Variants in SYNPR observed in about 807,000 individuals in gnomAD.
SYNPR encodes synaptoporin.
SYNPR carries 23 observed loss-of-function variants against 32.9 expected under a neutral mutation model. That is an observed-to-expected ratio of 0.70 (90% CI 0.50 to 0.99). The LOEUF (loss-of-function observed/expected upper bound fraction) is 0.99, where lower values mean the gene tolerates loss of function less well. Ranked by LOEUF, SYNPR falls within the 50% of genes least tolerant of loss-of-function variation. The pLI is 0.00. For missense variants in SYNPR, 318 were observed against 349.3 expected (o/e 0.91, Z 0.71); for synonymous variants, 146 against 135.9 (o/e 1.07, Z -0.52).
At chr3:63,295,776 G>C (rs1386875841) in intron 2 of SYNPR, among the ~76,000 whole-genome samples, 6 of 152,222 alleles carry the variant, frequency 3.9e-5, no homozygotes, top group Non-Finnish European at 8.8e-5. Context: ...CTAGGCAAAT[G>C]ATGGGAAATA....
At chr3:63,380,891 T>C (rs528240989) in intron 2 of SYNPR, among the ~76,000 whole-genome samples, 1 of 152,300 alleles carries the variant, frequency 6.6e-6, no homozygotes, top group South Asian at 2.1e-4. Flanking sequence ...TAGGTATTGA[T>C]GGGACATATC....
At chr3:63,536,654 A>C (rs1170605719) in intron 3 of SYNPR, among the ~76,000 whole-genome samples, 1 of 152,200 alleles carries the variant, frequency 6.6e-6, no homozygotes, top group Non-Finnish European at 1.5e-5. Context: ...ATATATGTCC[A>C]CACAAAAATC....
At chr3:63,468,517 A>G (rs1277356893) in intron 2 of SYNPR, among the ~76,000 whole-genome samples, 2 of 152,016 alleles carry the variant, frequency 1.3e-5, no homozygotes, top group East Asian at 3.9e-4. Flanking sequence ...ACACACACAA[A>G]TGCTTAAGGG....
chr3:63,509,301 C>A (rs1306879629), intron 3 of SYNPR, among the ~76,000 whole-genome samples: 3 of 149,146 alleles, frequency 2.0e-5, no homozygotes, highest in South Asian at 2.1e-4. Flanking sequence ...TATATATATA[C>A]ACACACATAT....
chr3:63,616,643 T>C lies in SYNPR; in HGVS notation c.*1162T>C, dbSNP rs1343710210. On this transcript the variant is annotated 3_prime_UTR_variant, in exon 6 of 6. Transcript: ENST00000478300. ...CAAAGAGAGTTCTCATGAAATATTC[T>C]CCAGAATGTATTCATTATCAAGAAA... The C allele has an allele frequency of 3.9e-5, 6 of 152,648 alleles. No homozygotes were observed. Among genetic ancestry groups the C allele is most frequent in the Admixed American group, 3.9e-4 (6 of 15,280 alleles). The allele number at this position is 152,648 out of a possible 1,614,324, so 9.5% of individuals were successfully genotyped here. A position where few individuals can be genotyped will look rare whatever the true frequency, so the allele number is the denominator to read the frequency against.
intron 2 of SYNPR, among the ~76,000 whole-genome samples, chr3:63,348,389 T>G (rs1160890653): frequency 2.0e-5 from 3 of 152,186 alleles, no homozygotes; most frequent in East Asian, 3.8e-4. Context: ...TGTTGTTGTT[T>G]TTTTTGAGTT....
chr3:63,542,407 C>T (rs79875226), intron 3 of SYNPR, among the ~76,000 whole-genome samples: 5,622 of 152,086 alleles, frequency 0.037, 338 homozygotes, highest in African/African-American at 0.13. Context: ...TCGCAAATTT[C>T]GTGTTGTAAA....
chr3:63,283,822 T>G (rs982704859), intron 2 of SYNPR, among the ~76,000 whole-genome samples: 15 of 143,416 alleles, frequency 1.0e-4, no homozygotes, highest in Admixed American at 6.9e-4. Context: ...TTTTTTTTTT[T>G]TTTTTTTTTT....
intron 3 of SYNPR, among the ~76,000 whole-genome samples, chr3:63,546,517 C>T (rs1702405696): frequency 6.6e-6 from 1 of 151,970 alleles, no homozygotes; most frequent in South Asian, 2.1e-4. Flanking sequence ...AGTAATTTTC[C>T]AGCCTTATCT....
intron 2 of SYNPR, among the ~76,000 whole-genome samples, chr3:63,279,092 C>G (rs1371511115): frequency 2.0e-5 from 3 of 152,142 alleles, no homozygotes; most frequent in African/African-American, 7.2e-5. Flanking sequence ...GGCCCCTCAC[C>G]TGGACCTTCG....
chr3:63,223,276 G>C, the SYNPR span, among the ~76,000 whole-genome samples: 2 of 151,504 alleles, frequency 1.3e-5, no homozygotes, highest in African/African-American at 4.9e-5. Context: ...CCCTCATAAT[G>C]TCTACCAAAG....
At chr3:63,462,963 A>C (rs1700614704) in intron 2 of SYNPR, among the ~76,000 whole-genome samples, 1 of 152,148 alleles carries the variant, frequency 6.6e-6, no homozygotes, top group Admixed American at 6.5e-5. Context: ...GTTGGGTTCC[A>C]CTGTTCCTGT....
intron 3 of SYNPR, among the ~76,000 whole-genome samples, chr3:63,540,109 T>A (rs972335132): frequency 3.3e-5 from 5 of 152,134 alleles, no homozygotes; most frequent in Non-Finnish European, 7.4e-5. Flanking sequence ...ATAATAATAG[T>A]ATTTATTAAA....
At chr3:63,246,585 G>A (rs71298638) in intron 1 of SYNPR, among the ~76,000 whole-genome samples, 6,651 of 152,046 alleles carry the variant, frequency 0.044, 205 homozygotes, top group Non-Finnish European at 0.066. Context: ...TATACCAAGT[G>A]GTCAGAAAAG....
intron 1 of SYNPR, among the ~76,000 whole-genome samples, chr3:63,234,935 C>T (rs1360547469): frequency 6.6e-6 from 1 of 152,122 alleles, no homozygotes; most frequent in African/African-American, 2.4e-5. Flanking sequence ...GCAACTGTCA[C>T]CAACAATACA....
At chr3:63,455,709 C>T (rs1700469050) in intron 2 of SYNPR, among the ~76,000 whole-genome samples, 1 of 150,640 alleles carries the variant, frequency 6.6e-6, no homozygotes, top group Non-Finnish European at 1.5e-5. Flanking sequence ...CTAAAAAAGT[C>T]CCCAATTTCC....
intron 4 of SYNPR, among the ~76,000 whole-genome samples, chr3:63,585,480 A>T (rs1703168837): frequency 6.6e-6 from 1 of 150,548 alleles, no homozygotes; most frequent in African/African-American, 2.5e-5. Context: ...CCCACCACAC[A>T]CACACACACC....
upstream of SYNPR, among the ~76,000 whole-genome samples, chr3:63,276,879 T>C (rs7620500): frequency 0.63 from 95,637 of 150,706 alleles, 30,911 homozygotes; most frequent in South Asian, 0.73. Context: ...ATTTCTCATC[T>C]ACTTCTACAT....
chr3:63,224,937 T>A (rs2086117864), upstream of SYNPR, among the ~76,000 whole-genome samples: 1 of 152,238 alleles, frequency 6.6e-6, no homozygotes, highest in East Asian at 1.9e-4. Flanking sequence ...ATCTCCCTGA[T>A]GAACAGGGTG....
Sources: gnomAD v4.1 joint callset for allele counts (sites outside exome capture counted in the v4.1 genomes callset) on GRCh38, gnomAD v4.1.1 for gene constraint, MANE v1.5 for transcripts, NCBI Gene and HGNC (gene_info 2026-07-23, HGNC 2026-07-21) for gene names.